PCDHA3: variants seen among roughly 807,000 people sequenced by gnomAD.
PCDHA3 encodes the protein protocadherin alpha-3.
A neutral mutation model predicts 62.2 loss-of-function variants in PCDHA3; 41 were observed. That is an observed-to-expected ratio of 0.66 (90% CI 0.51 to 0.86). The LOEUF (loss-of-function observed/expected upper bound fraction) is 0.86. Among genes scored for constraint, PCDHA3 ranks in the 40% least tolerant of loss-of-function variants. The pLI, the probability that PCDHA3 is intolerant of heterozygous loss-of-function variation, is 0.00. For synonymous variants in PCDHA3, 640 were observed against 555.4 expected, an observed-to-expected ratio of 1.15 and a Z score of -2.14; for missense variants, 1,304 against 1,241.2, an observed-to-expected ratio of 1.05 and a Z score of -0.76.
intron 1 of PCDHA3, chr5:140,855,778 TAA>T: frequency 2.5e-6 from 1 of 407,854 alleles, no homozygotes; most frequent in Non-Finnish European, 4.4e-6. Context: ...TAAAAATACG[TAA>T]AAAAAGAATT....
intron 1 of PCDHA3, among the ~76,000 whole-genome samples, chr5:140,906,844 G>C (rs1295549477): frequency 6.6e-6 from 1 of 152,192 alleles, no homozygotes; most frequent in Non-Finnish European, 1.5e-5. Context: ...TTCATCTTGA[G>C]AGTCTGGGTC....
rs782403008 is a variant in PCDHA3 at position 140,877,235 on chromosome 5, G to A, written c.2394+73644G>A. ...TTGGTACCGCGGTCGGTGGGTGCGGGCCACGTGGTGGCGAAAGTGCGCGCG... is the reference window on the plus strand; with the variant it reads ...TTGGTACCGCGGTCGGTGGGTGCGGACCACGTGGTGGCGAAAGTGCGCGCG... On this transcript the variant is annotated intron_variant, in intron 1 of 3. Transcript: ENST00000522353. 49 of 1,613,570 alleles carry A rather than the reference G, an allele frequency of 3.0e-5. No homozygotes were observed. In the South Asian group the frequency reaches 5.1e-4, roughly 17 times the overall value.
intron 1 of PCDHA3, chr5:140,808,072 A>G: frequency 6.2e-7 from 1 of 1,613,954 alleles, no homozygotes; most frequent in Non-Finnish European, 8.5e-7. Context: ...AGTTTCACAT[A>G]GATCCAATTA....
intron 1 of PCDHA3, chr5:140,809,411 T>A: frequency 6.2e-7 from 1 of 1,614,110 alleles, no homozygotes; most frequent in South Asian, 1.1e-5. Flanking sequence ...GCTGGTGTGC[T>A]CCAGTGCGGT....
chr5:140,906,438 G>T (rs1264031299), intron 1 of PCDHA3, among the ~76,000 whole-genome samples: 1 of 152,016 alleles, frequency 6.6e-6, no homozygotes, highest in Non-Finnish European at 1.5e-5. Context: ...TGATAAACAA[G>T]AAAGGAAATA....
chr5:140,941,202 C>CCTTTTCTTCCTTTCTTT (rs2092814043), intron 1 of PCDHA3, among the ~76,000 whole-genome samples: 1 of 122,742 alleles, frequency 8.1e-6, no homozygotes, highest in Non-Finnish European at 1.8e-5. Flanking sequence ...TTTCTTTCTT[C>CCTTTTCTTCCTTTCTTT]CTTTCTTTCT....
At chr5:140,805,071 C>T in intron 1 of PCDHA3, 1 of 1,593,310 alleles carries the variant, frequency 6.3e-7, no homozygotes, top group Non-Finnish European at 8.5e-7. Flanking sequence ...TATGGAACTT[C>T]AATCTTCAAA....
intron 1 of PCDHA3, among the ~76,000 whole-genome samples, chr5:140,960,011 A>G (rs578052753): frequency 1.2e-4 from 18 of 152,350 alleles, no homozygotes; most frequent in Admixed American, 1.0e-3. Flanking sequence ...TCTATTTTGC[A>G]TCATGATTTT....
intron 1 of PCDHA3, chr5:140,967,360 G>T: frequency 6.2e-7 from 1 of 1,607,656 alleles, no homozygotes. Flanking sequence ...TGGACCTTAA[G>T]CCCCTGCAGG....
chr5:140,811,375 A>G (rs1285698488), intron 1 of PCDHA3: 1 of 152,208 alleles, frequency 6.6e-6, no homozygotes, highest in Non-Finnish European at 1.5e-5. Flanking sequence ...TCCATGGTGT[A>G]TATGTGTCAC....
intron 1 of PCDHA3, among the ~76,000 whole-genome samples, chr5:140,832,290 AT>A (rs1771900444): frequency 6.6e-6 from 1 of 152,162 alleles, no homozygotes; most frequent in Non-Finnish European, 1.5e-5. Context: ...TGAATGGTGT[AT>A]TTGCCCACAT....
At chr5:140,803,782 G>T (rs1763279994) in intron 1 of PCDHA3, 191 bp downstream of exon 1, 1 of 901,512 alleles carries the variant, frequency 1.1e-6, no homozygotes, top group Non-Finnish European at 1.6e-6. Flanking sequence ...TCAGCAGTAA[G>T]TTATGATATC....
intron 1 of PCDHA3, chr5:140,862,219 T>C: frequency 4.8e-6 from 1 of 206,310 alleles, no homozygotes; most frequent in Non-Finnish European, 9.9e-6. Flanking sequence ...ACAGACTTGA[T>C]AGAAGTCTTG....
intron 1 of PCDHA3, chr5:140,882,627 A>G: frequency 6.2e-7 from 1 of 1,614,136 alleles, no homozygotes; most frequent in Non-Finnish European, 8.5e-7. Flanking sequence ...TTCCATGTGG[A>G]GGTGAAGGTG....
chr5:140,801,796 T>C lies in PCDHA3; in HGVS notation c.599T>C (p.Leu200Ser), dbSNP rs1762786887. Residue 200 changes from leucine to serine, a missense_variant, in exon 1 of 4, where the codon TTA (leucine) becomes TCA (serine). Leu to Ser is a moderately radical substitution (Grantham distance 145, BLOSUM62 -2). Transcript: ENST00000522353. The stretch of plus-strand genomic sequence containing the variant: ...CTTGGACTCGTGTTGAAAAAAAATT[T>C]AAATCGAGAGGACACTCCTAAGCAT... ...KSLGLVLKKN[L>S]NREDTPKHYL... The C allele has an allele frequency of 6.2e-7, 1 of 1,613,870 alleles. No individual in the cohort carries two copies. Among genetic ancestry groups the C allele is most frequent in the Non-Finnish European group, 8.5e-7 (1 of 1,180,002 alleles).
chr5:140,857,341 G>T (rs782659858), intron 1 of PCDHA3: 1 of 1,598,438 alleles, frequency 6.3e-7, no homozygotes, highest in South Asian at 1.1e-5. Flanking sequence ...ACGGGGGCTC[G>T]CCTCCGCTGT....
chr5:140,802,914 A>G lies in PCDHA3; in HGVS notation c.1717A>G (p.Ile573Val), dbSNP rs782605739. 24 of 1,613,664 alleles carry G rather than the reference A, an allele frequency of 1.5e-5. No homozygotes were observed. Among genetic ancestry groups the G allele is most frequent in the Admixed American group, 5.0e-5 (3 of 59,988 alleles). ...PALLMPRVGG[I>V]GGAVSELVPR... Reference sequence around the variant, plus strand: ...ACTGCTGATGCCTCGGGTGGGTGGCATCGGTGGCGCAGTGAGCGAGCTGGT... The same window carrying G: ...ACTGCTGATGCCTCGGGTGGGTGGCGTCGGTGGCGCAGTGAGCGAGCTGGT... The change falls in exon 1 of 4, where the codon ATC (isoleucine) becomes GTC (valine). Residue 573 changes from isoleucine (I) to valine (V), a missense_variant. Ile to Val is a conservative substitution (Grantham distance 29). Transcript: ENST00000522353.
chr5:140,871,570 T>A, intron 1 of PCDHA3: 1 of 1,480,760 alleles, frequency 6.8e-7, no homozygotes, highest in Non-Finnish European at 9.0e-7. Context: ...TTCACGGATT[T>A]TTTAAGGGAA....
At chr5:140,835,863 CTGG>C in intron 1 of PCDHA3, 1 of 1,612,100 alleles carries the variant, frequency 6.2e-7, no homozygotes, top group Non-Finnish European at 8.5e-7. Context: ...GTCCTACTCG[CTGG>C]TGGAGCTGCG....
Sources: gnomAD v4.1 joint callset for allele counts (sites outside exome capture counted in the v4.1 genomes callset) on GRCh38, gnomAD v4.1.1 for gene constraint, MANE v1.5 for transcripts, NCBI Gene and HGNC (gene_info 2026-07-23, HGNC 2026-07-21) for gene names.